Variants in PDE1C observed in about 807,000 individuals in gnomAD.
The protein encoded by PDE1C is phosphodiesterase 1C.
PDE1C carries 62 observed loss-of-function variants against 93.1 expected under a neutral mutation model. The ratio of observed to expected loss-of-function variants is 0.67; its 90% CI spans 0.54 to 0.82. The LOEUF (loss-of-function observed/expected upper bound fraction) is 0.82, where lower values mean the gene tolerates loss of function less well. PDE1C is among the 40% of genes least tolerant of loss of function. PDE1C has a pLI of 0.00. For synonymous variants in PDE1C, 325 were observed against 310.1 expected, an observed-to-expected ratio of 1.05 and a Z score of -0.50; for missense variants, 742 against 884.6, an observed-to-expected ratio of 0.84 and a Z score of 2.04.
intron 1 of PDE1C, among the ~76,000 whole-genome samples, chr7:32,053,700 T>C (rs945429028): frequency 6.6e-6 from 1 of 151,974 alleles, no homozygotes; most frequent in Non-Finnish European, 1.5e-5. Flanking sequence ...GCCAAAGAAA[T>C]CTATAAAGGC....
At chr7:32,127,384 G>T (rs998426255) in intron 3 of PDE1C, among the ~76,000 whole-genome samples, 1 of 152,060 alleles carries the variant, frequency 6.6e-6, no homozygotes, top group African/African-American at 2.4e-5. Flanking sequence ...CAATTTAAAT[G>T]TTCTTTAGAA....
intron 2 of PDE1C, among the ~76,000 whole-genome samples, chr7:31,940,331 TGA>T (rs1395395513): frequency 1.3e-5 from 2 of 152,168 alleles, no homozygotes; most frequent in Non-Finnish European, 2.9e-5. Flanking sequence ...CTTAGCTGTC[TGA>T]GATGAAAGCA....
chr7:31,831,328 G>A (rs1790358814), intron 11 of PDE1C, among the ~76,000 whole-genome samples: 1 of 152,086 alleles, frequency 6.6e-6, no homozygotes. Flanking sequence ...CACATCCTAG[G>A]AAAAATCTGT....
chr7:32,027,063 T>A (rs1402247824), intron 2 of PDE1C, among the ~76,000 whole-genome samples: 2 of 152,094 alleles, frequency 1.3e-5, no homozygotes, highest in Non-Finnish European at 2.9e-5. Context: ...GCAGTGAAAT[T>A]GCTTTGTATA....
intron 3 of PDE1C, among the ~76,000 whole-genome samples, chr7:32,128,926 TATATATATATATATATATATATATATAA>T (rs1006430157): frequency 4.4e-5 from 4 of 90,652 alleles, no homozygotes; most frequent in African/African-American, 2.2e-4. Flanking sequence ...TATATATATA[TATATATATATATATATATATATATATAA>T]AGAAAAATCT....
chr7:31,797,975 C>A (rs1785514121), intron 16 of PDE1C, among the ~76,000 whole-genome samples: 1 of 151,656 alleles, frequency 6.6e-6, no homozygotes, highest in African/African-American at 2.4e-5. Flanking sequence ...TGACCCATAT[C>A]CACTCTTCTT....
intron 1 of PDE1C, among the ~76,000 whole-genome samples, chr7:32,052,103 G>A (rs11984354): frequency 0.071 from 10,739 of 152,180 alleles, 461 homozygotes; most frequent in Non-Finnish European, 0.09. Flanking sequence ...CTTTTTAAAT[G>A]TAAATGTGCA....
At chr7:31,775,458 C>A (rs938402994) in intron 17 of PDE1C, among the ~76,000 whole-genome samples, 4 of 152,028 alleles carry the variant, frequency 2.6e-5, no homozygotes, top group African/African-American at 7.3e-5. Context: ...GTGAGGGGGA[C>A]GATTGTGAAC....
At chr7:32,210,050 A>C (rs1048321146) in intron 1 of PDE1C, among the ~76,000 whole-genome samples, 5 of 152,240 alleles carry the variant, frequency 3.3e-5, no homozygotes, top group African/African-American at 7.2e-5. Flanking sequence ...AGATGCTAAC[A>C]AACAGGGAAG....
At chr7:31,667,464 C>G in the PDE1C span, among the ~76,000 whole-genome samples, 14 of 152,070 alleles carry the variant, frequency 9.2e-5, no homozygotes, top group Admixed American at 2.6e-4. Context: ...AGTTTAAATA[C>G]AGTGAAACCA....
chr7:32,234,185 A>G (rs1807911399), intron 1 of PDE1C, among the ~76,000 whole-genome samples: 1 of 152,038 alleles, frequency 6.6e-6, no homozygotes, highest in African/African-American at 2.4e-5. Context: ...CAAATATTTT[A>G]TTAGGAAAAA....
the PDE1C span, chr7:31,644,066 T>C: frequency 1.1e-6 from 1 of 923,108 alleles, no homozygotes; most frequent in South Asian, 1.7e-5. Flanking sequence ...AACTTTTCTA[T>C]TTTAAATCAT....
At chr7:31,924,317 C>T (rs1262796252) in intron 2 of PDE1C, among the ~76,000 whole-genome samples, 2 of 152,156 alleles carry the variant, frequency 1.3e-5, no homozygotes, top group Non-Finnish European at 2.9e-5. Context: ...TTTAACTATT[C>T]TCCCAAATGA....
At chr7:31,626,904 C>G in the PDE1C span, among the ~76,000 whole-genome samples, 1 of 152,196 alleles carries the variant, frequency 6.6e-6, no homozygotes, top group South Asian at 2.1e-4. Flanking sequence ...GTGGGATAAA[C>G]AAATAAATAT....
At chr7:31,687,159 C>T in the PDE1C span, 1 of 152,356 alleles carries the variant, frequency 6.6e-6, no homozygotes, top group Non-Finnish European at 1.5e-5. Context: ...AGAGCATCCC[C>T]ATGGCAACAG....
At chr7:32,231,330 CGCACGT>C (rs1208576431) in intron 1 of PDE1C, among the ~76,000 whole-genome samples, 1 of 152,072 alleles carries the variant, frequency 6.6e-6, no homozygotes, top group Non-Finnish European at 1.5e-5. Context: ...CACACACACG[CGCACGT>C]GCACACACAC....
chr7:32,145,667 A>G (rs952553366), intron 3 of PDE1C, among the ~76,000 whole-genome samples: 2 of 152,158 alleles, frequency 1.3e-5, no homozygotes, highest in Non-Finnish European at 2.9e-5. Context: ...ATTACTAATA[A>G]CTATTCAAAA....
chr7:32,028,189 C>T (rs1443552936), intron 2 of PDE1C, among the ~76,000 whole-genome samples: 1 of 152,130 alleles, frequency 6.6e-6, no homozygotes, highest in Non-Finnish European at 1.5e-5. Context: ...AATTATTTAT[C>T]ATTTTAACAT....
At chr7:31,647,312 C>G in the PDE1C span, among the ~76,000 whole-genome samples, 2 of 152,016 alleles carry the variant, frequency 1.3e-5, no homozygotes, top group African/African-American at 4.8e-5. Context: ...AAAATATTAA[C>G]AGGACATAGC....
Sources: gnomAD v4.1 joint callset for allele counts (sites outside exome capture counted in the v4.1 genomes callset) on GRCh38, gnomAD v4.1.1 for gene constraint, MANE v1.5 for transcripts, NCBI Gene and HGNC (gene_info 2026-07-23, HGNC 2026-07-21) for gene names.